The following PCDH15 variants were observed in gnomAD, a reference collection of about 807,000 sequenced individuals.
PCDH15 encodes the protein protocadherin-15.
PCDH15 carries 129 observed loss-of-function variants against 178.5 expected under a neutral mutation model. The ratio of observed to expected loss-of-function variants is 0.72; its 90% CI spans 0.63 to 0.84. The LOEUF (loss-of-function observed/expected upper bound fraction) is 0.84, where lower values mean the gene tolerates loss of function less well. PCDH15 is among the 40% of genes least tolerant of loss of function. PCDH15 has a pLI of 0.00. For synonymous variants in PCDH15, 800 were observed against 732.0 expected (o/e 1.09, Z -1.50); for missense variants, 2,230 against 2,099.9 (o/e 1.06, Z -1.21).
intron 1 of PCDH15, among the ~76,000 whole-genome samples, chr10:55,234,141 T>A (rs1232880285): frequency 6.6e-6 from 1 of 152,024 alleles, no homozygotes; most frequent in Non-Finnish European, 1.5e-5. Context: ...TATACACACA[T>A]CAAATTAAAA....
chr10:54,749,460 A>G (rs975153024), intron 1 of PCDH15, among the ~76,000 whole-genome samples: 2 of 152,120 alleles, frequency 1.3e-5, no homozygotes, highest in Non-Finnish European at 2.9e-5. Flanking sequence ...CAAGAAGATA[A>G]TTTATATCTG....
intron 18 of PCDH15, among the ~76,000 whole-genome samples, chr10:54,052,001 G>A (rs1461413905): frequency 6.6e-6 from 1 of 152,200 alleles, no homozygotes; most frequent in Non-Finnish European, 1.5e-5. Flanking sequence ...TTGGTCCTGT[G>A]GGTGCACAGA....
intron 16 of PCDH15, 97 bp from the exon 17 acceptor site, chr10:54,079,521 T>C (rs990910204): frequency 9.1e-7 from 1 of 1,099,122 alleles, no homozygotes; most frequent in African/African-American, 1.5e-5. Context: ...TAGCTTTTTT[T>C]CCCCTCTCAG....
At chr10:54,669,188 C>T (rs545067331) in intron 1 of PCDH15, among the ~76,000 whole-genome samples, 2 of 152,142 alleles carry the variant, frequency 1.3e-5, no homozygotes, top group South Asian at 4.2e-4. Context: ...TTCATCAGTA[C>T]AGAGGGTACT....
At chr10:55,571,086 G>A (rs923241684) in intron 2 of PCDH15, among the ~76,000 whole-genome samples, 19 of 152,070 alleles carry the variant, frequency 1.2e-4, no homozygotes, top group African/African-American at 4.3e-4. Context: ...TTGGATCATG[G>A]CAGGTGGCTC....
intron 1 of PCDH15, among the ~76,000 whole-genome samples, chr10:55,191,238 G>C (rs1839937576): frequency 6.6e-6 from 1 of 151,244 alleles, no homozygotes; most frequent in Non-Finnish European, 1.5e-5. Flanking sequence ...TATCCTGTTA[G>C]TTCTAAGTAA....
intron 2 of PCDH15, among the ~76,000 whole-genome samples, chr10:54,926,594 T>C (rs1025002981): frequency 6.6e-6 from 1 of 151,938 alleles, no homozygotes; most frequent in Non-Finnish European, 1.5e-5. Context: ...GCTTTTTTTT[T>C]AGATTTGTAG....
At chr10:55,229,785 G>C (rs1841159167) in intron 1 of PCDH15, among the ~76,000 whole-genome samples, 1 of 151,994 alleles carries the variant, frequency 6.6e-6, no homozygotes, top group Admixed American at 6.6e-5. Flanking sequence ...TGGAGTAGTA[G>C]ACAGCAGAAT....
intron 2 of PCDH15, among the ~76,000 whole-genome samples, chr10:55,464,390 T>C (rs899075055): frequency 3.3e-5 from 5 of 151,446 alleles, no homozygotes; most frequent in Non-Finnish European, 5.9e-5. Context: ...CCACTGTGAG[T>C]GAGAACAATA....
intron 2 of PCDH15, among the ~76,000 whole-genome samples, chr10:54,625,242 T>A (rs932724008): frequency 6.6e-6 from 1 of 152,146 alleles, no homozygotes; most frequent in African/African-American, 2.4e-5. Flanking sequence ...TGGTTACATT[T>A]CAAAAGGAGG....
At chr10:55,261,717 C>A (rs983145281) in intron 1 of PCDH15, among the ~76,000 whole-genome samples, 1 of 152,030 alleles carries the variant, frequency 6.6e-6, no homozygotes, top group Non-Finnish European at 1.5e-5. Context: ...AATTTTGAAA[C>A]CTCTATTCCC....
intron 2 of PCDH15, among the ~76,000 whole-genome samples, chr10:55,608,488 C>T (rs770790012): frequency 7.3e-5 from 11 of 151,380 alleles, no homozygotes; most frequent in African/African-American, 9.7e-5. Context: ...TCTTCCTTGG[C>T]GAGGTAAAAA....
intron 2 of PCDH15, among the ~76,000 whole-genome samples, chr10:55,545,330 C>A (rs908340008): frequency 6.6e-6 from 1 of 150,394 alleles, no homozygotes; most frequent in Admixed American, 6.7e-5. Flanking sequence ...GGCTGGAATG[C>A]AGTGGTAGCA....
intron 7 of PCDH15, among the ~76,000 whole-genome samples, chr10:54,326,866 AT>A (rs1239904781): frequency 2.0e-5 from 3 of 152,200 alleles, no homozygotes; most frequent in African/African-American, 7.2e-5. Context: ...AATGCTTAAA[AT>A]GTTATAACTT....
intron 2 of PCDH15, among the ~76,000 whole-genome samples, chr10:55,485,442 A>C (rs1248875278): frequency 6.6e-6 from 1 of 151,752 alleles, no homozygotes; most frequent in Non-Finnish European, 1.5e-5. Context: ...TCAGGAAAGC[A>C]CACATCAAAT....
intron 18 of PCDH15, among the ~76,000 whole-genome samples, chr10:54,062,146 C>T (rs537335307): frequency 1.3e-4 from 18 of 143,274 alleles, no homozygotes; most frequent in African/African-American, 4.7e-4. Context: ...AAGTTTGAAC[C>T]TGGGCGGCAG....
At chr10:55,497,485 T>TAA (rs1840560929) in intron 2 of PCDH15, among the ~76,000 whole-genome samples, 1 of 151,816 alleles carries the variant, frequency 6.6e-6, no homozygotes, top group East Asian at 1.9e-4. Context: ...CTTACTTTTC[T>TAA]GTAAGTAATA....
chr10:54,798,683 T>C (rs1328286559), intron 1 of PCDH15, among the ~76,000 whole-genome samples: 1 of 152,112 alleles, frequency 6.6e-6, no homozygotes, highest in Non-Finnish European at 1.5e-5. Flanking sequence ...TTTTATGAAG[T>C]AGTGTGGTCT....
chr10:54,766,690 G>A (rs569806146), intron 1 of PCDH15, among the ~76,000 whole-genome samples: 11 of 152,144 alleles, frequency 7.2e-5, no homozygotes, highest in East Asian at 1.9e-4. Flanking sequence ...AGTACTTTGG[G>A]AGGCTGAGGC....
Sources: gnomAD v4.1 joint callset for allele counts (sites outside exome capture counted in the v4.1 genomes callset) on GRCh38, gnomAD v4.1.1 for gene constraint, MANE v1.5 for transcripts, NCBI Gene and HGNC (gene_info 2026-07-23, HGNC 2026-07-21) for gene names.